Variants in PTPN1 observed in about 807,000 individuals in gnomAD.
PTPN1 encodes the protein tyrosine-protein phosphatase non-receptor type 1.
A neutral mutation model predicts 59.9 loss-of-function variants in PTPN1; 12 were observed. The ratio of observed to expected loss-of-function variants is 0.20; its 90% CI spans 0.13 to 0.32. PTPN1 has a LOEUF of 0.32. Among genes scored for constraint, PTPN1 ranks in the 10% least tolerant of loss-of-function variants. The pLI, the probability that PTPN1 is intolerant of heterozygous loss-of-function variation, is 1.00. For synonymous variants in PTPN1, 178 were observed against 203.6 expected (o/e 0.87, Z 1.07); for missense variants, 356 against 549.2 (o/e 0.65, Z 3.52).
Position 50,574,525 on chromosome 20 carries a change from C to T in PTPN1, c.363C>T (p.Cys121=), listed in dbSNP as rs371360165. The T allele has an allele frequency of 8.2e-6, 13 of 1,582,860 alleles. No individual in the cohort carries two copies. The African/African-American group carries it at 8.3e-5, about 10-fold the overall frequency. Residue 121 remains cysteine (C), a synonymous_variant, in exon 5 of 10, where the codon TGC becomes TGT. Transcript: ENST00000371621. ...NRVMEKGSLK[C]AQYWPQKEEK... is the part of the protein sequence containing the mutation. The stretch of plus-strand genomic sequence containing the variant: ...ATTATTTGTTTCCCCAGTTAAAATG[C>T]GCACAATACTGGCCACAAAAAGAAG...
intron 5 of PTPN1, among the ~76,000 whole-genome samples, chr20:50,576,205 T>A (rs2082836101): frequency 6.6e-6 from 1 of 152,192 alleles, no homozygotes; most frequent in East Asian, 1.9e-4. Context: ...AGAGGATTTA[T>A]GCAGTAGCCT....
Position 50,574,224 on chromosome 20 carries a change from C to T in PTPN1, c.355-293C>T, listed in dbSNP as rs957648238. The stretch of plus-strand genomic sequence containing the variant: ...CCTTTTGTTCAATCTGGCTTCACCT[C>T]GTAGACGGTGAGAAAGCGTCAGAGC... On this transcript the variant is annotated intron_variant, in intron 4 of 9. Transcript: ENST00000371621. The T allele has an allele frequency of 4.8e-5, 17 of 353,794 alleles. No individual in the cohort carries two copies. The South Asian group carries it at 5.0e-4, about 10-fold the overall frequency. 21.9% of individuals were successfully genotyped at this position (353,794 alleles called of 1,614,324 possible).
chr20:50,530,982 G>C lies in PTPN1; in HGVS notation c.63+20392G>C, dbSNP rs78219580. Among the ~76,000 whole-genome samples, 1,097 of 152,222 alleles carry C rather than the reference G, an allele frequency of 7.2e-3. 17 individuals carry two copies. Among genetic ancestry groups the C allele is most frequent in the African/African-American group, 0.025 (1,048 of 41,538 alleles). ...ACCTCCCAAAATGTTGGGATTACAG[G>C]GACAAGCCACTGCACCTGGCCAAGG... On this transcript the variant is annotated intron_variant, in intron 1 of 9. Coordinates refer to ENST00000371621, the MANE Select transcript of PTPN1 (RefSeq NM_002827.4).
At chr20:50,538,723 A>G (rs952391968) in intron 1 of PTPN1, among the ~76,000 whole-genome samples, 1 of 152,118 alleles carries the variant, frequency 6.6e-6, no homozygotes, top group Non-Finnish European at 1.5e-5. Flanking sequence ...TATTATCTTT[A>G]TTATATGCCC....
At chr20:50,546,808 A>G (rs1014297921) in intron 1 of PTPN1, among the ~76,000 whole-genome samples, 5 of 152,168 alleles carry the variant, frequency 3.3e-5, no homozygotes, top group Non-Finnish European at 7.4e-5. Flanking sequence ...CTGGTGATTG[A>G]TAGTCTGATT....
intron 1 of PTPN1, among the ~76,000 whole-genome samples, chr20:50,512,040 T>G (rs2082509966): frequency 6.6e-6 from 1 of 152,260 alleles, no homozygotes; most frequent in Non-Finnish European, 1.5e-5. Flanking sequence ...TCTTTTTATT[T>G]GGACTGTAGT....
At chr20:50,519,729 T>A (rs1370352668) in intron 1 of PTPN1, among the ~76,000 whole-genome samples, 1 of 152,212 alleles carries the variant, frequency 6.6e-6, no homozygotes, top group Non-Finnish European at 1.5e-5. Context: ...AGTGTCATCG[T>A]TTGGCAGTGT....
intron 1 of PTPN1, among the ~76,000 whole-genome samples, chr20:50,555,556 A>T (rs2082722546): frequency 6.6e-6 from 1 of 152,256 alleles, no homozygotes; most frequent in Non-Finnish European, 1.5e-5. Context: ...AATATACCTC[A>T]AAAGCAGTTT....
intron 5 of PTPN1, 82 bp from the exon 6 acceptor site, chr20:50,578,338 G>A: frequency 8.2e-7 from 1 of 1,213,490 alleles, no homozygotes; most frequent in Non-Finnish European, 1.2e-6. Flanking sequence ...GAGAGTGGAA[G>A]GTGACTCTGT....
chr20:50,554,399 T>TCTCTCTCTCTCTCTCTCTCC, intron 1 of PTPN1, among the ~76,000 whole-genome samples: 1 of 151,632 alleles, frequency 6.6e-6, no homozygotes, highest in African/African-American at 2.4e-5. Context: ...TCTCTCTCTC[T>TCTCTCTCTCTCTCTCTCTCC]CTCTCTCTCA....
rs1384926615 is a variant in PTPN1, at chr20:50,583,817, C to G, written c.*1102C>G. The stretch of plus-strand genomic sequence containing the variant: ...AGGGTATGGGAAGCCATATTCACAC[C>G]TCACGCTCTGGACATGATTTAGGGA... On this transcript the variant is annotated 3_prime_UTR_variant, in exon 10 of 10. Transcript: ENST00000371621. The G allele has an allele frequency of 2.6e-5, 4 of 152,926 alleles. No individual in the cohort carries two copies. The highest frequency in any genetic ancestry group is 4.4e-5 in the Non-Finnish European group (3 of 68,276). 9.5% of individuals were successfully genotyped at this position (152,926 alleles called of 1,614,324 possible).
At chr20:50,544,176 A>G (rs1255647975) in intron 1 of PTPN1, among the ~76,000 whole-genome samples, 1 of 151,994 alleles carries the variant, frequency 6.6e-6, no homozygotes, top group Non-Finnish European at 1.5e-5. Flanking sequence ...TTTTTAAAAC[A>G]AGATCTTACT....
At chr20:50,517,241 C>T (rs898253170) in intron 1 of PTPN1, among the ~76,000 whole-genome samples, 4 of 152,054 alleles carry the variant, frequency 2.6e-5, no homozygotes, top group African/African-American at 9.7e-5. Flanking sequence ...ATTTTCAGTC[C>T]TTTTAAAGTT....
chr20:50,518,052 AG>A (rs1313231336), intron 1 of PTPN1, among the ~76,000 whole-genome samples: 1 of 152,252 alleles, frequency 6.6e-6, no homozygotes, highest in East Asian at 1.9e-4. Flanking sequence ...TGATTAGAAA[AG>A]GAAAACTCTT....
intron 1 of PTPN1, among the ~76,000 whole-genome samples, chr20:50,514,316 A>G (rs2082519653): frequency 6.6e-6 from 1 of 151,898 alleles, no homozygotes; most frequent in African/African-American, 2.4e-5. Context: ...CTATTAAAAT[A>G]CCTGGTATTG....
chr20:50,573,205 A>G (rs1034220327), intron 4 of PTPN1: 11 of 152,368 alleles, frequency 7.2e-5, no homozygotes, highest in African/African-American at 2.7e-4. Flanking sequence ...CCCCCAGATG[A>G]TGCCACAGGT....
intron 1 of PTPN1, among the ~76,000 whole-genome samples, chr20:50,544,135 C>T (rs1568783067): frequency 6.6e-6 from 1 of 152,092 alleles, no homozygotes. Flanking sequence ...TGAGCCACCG[C>T]GCCTGGACTA....
At chr20:50,580,216 G>GCC (rs113132070) in intron 8 of PTPN1, among the ~76,000 whole-genome samples, 2 of 152,108 alleles carry the variant, frequency 1.3e-5, no homozygotes, top group East Asian at 1.9e-4. Context: ...GGGTTTTTCT[G>GCC]CCCCCCCTGA....
intron 3 of PTPN1, 67 bp downstream of exon 3, chr20:50,565,136 C>T: frequency 6.8e-7 from 1 of 1,470,750 alleles, no homozygotes; most frequent in Non-Finnish European, 9.2e-7. Flanking sequence ...GTTATCCACA[C>T]CTCAAATAAA....
Sources: gnomAD v4.1 joint callset for allele counts (sites outside exome capture counted in the v4.1 genomes callset) on GRCh38, gnomAD v4.1.1 for gene constraint, MANE v1.5 for transcripts, NCBI Gene and HGNC (gene_info 2026-07-23, HGNC 2026-07-21) for gene names.